Variants in NR3C1 observed in about 807,000 individuals in gnomAD.
The protein encoded by NR3C1 is glucocorticoid receptor.
Under a neutral mutation model 74.0 loss-of-function variants are expected in NR3C1, and 14 were observed. The ratio of observed to expected loss-of-function variants is 0.19; its 90% CI spans 0.12 to 0.30. NR3C1 has a LOEUF of 0.30. Ranked by LOEUF, NR3C1 falls within the 10% of genes least tolerant of loss-of-function variation. The probability of loss-of-function intolerance (pLI) is 1.00; values close to 1 mark genes in which losing one functional copy is unlikely to be tolerated. For missense variants in NR3C1, 695 were observed against 909.8 expected, an observed-to-expected ratio of 0.76 and a Z score of 3.04; for synonymous variants, 308 against 332.5, an observed-to-expected ratio of 0.93 and a Z score of 0.80.
chr5:143,345,899 A>C (rs182516929), intron 2 of NR3C1, among the ~76,000 whole-genome samples: 1 of 152,262 alleles, frequency 6.6e-6, no homozygotes, highest in East Asian at 1.9e-4. Flanking sequence ...TGTTTATATC[A>C]ATTAGCCTGT....
chr5:143,298,981 T>G (rs1382334484), intron 5 of NR3C1, among the ~76,000 whole-genome samples, 169 bp from the exon 6 acceptor site: 2 of 151,428 alleles, frequency 1.3e-5, no homozygotes, highest in African/African-American at 2.4e-5. Context: ...CATCTGACAC[T>G]TTAAGACTCA....
At chr5:143,375,152 A>C (rs1834952282) in intron 2 of NR3C1, among the ~76,000 whole-genome samples, 1 of 152,198 alleles carries the variant, frequency 6.6e-6, no homozygotes, top group Non-Finnish European at 1.5e-5. Context: ...TTTAAATGGA[A>C]GTTTTCGGGA....
At chr5:143,354,225 G>A (rs1315876899) in intron 2 of NR3C1, among the ~76,000 whole-genome samples, 1 of 152,204 alleles carries the variant, frequency 6.6e-6, no homozygotes, top group Non-Finnish European at 1.5e-5. Flanking sequence ...AACTTTCTTC[G>A]TATCAGCAAG....
rs1812916199 is a variant in NR3C1 at position 143,280,414 on chromosome 5, T to TATTA, written c.*1471_*1474dup. 1 of 152,654 alleles carries TATTA rather than the reference T, an allele frequency of 6.6e-6. No homozygotes were observed. The highest frequency in any genetic ancestry group is 1.9e-4 in the East Asian group (1 of 5,208). 9.5% of individuals were successfully genotyped at this position (152,654 alleles called of 1,614,324 possible). A position where few individuals can be genotyped will look rare whatever the true frequency, so the allele number is the denominator to read the frequency against. On this transcript the variant is annotated 3_prime_UTR_variant, in exon 9 of 9. Coordinates refer to ENST00000394464, the MANE Select transcript of NR3C1 (RefSeq NM_000176.3). ...TTTTAATATTAGATTTTCAGTTTTC[T>TATTA]ATTACACAAATAATTTGGCCACCTT...
In NR3C1 at chr5:143,399,746, T is replaced by C. The variant is rs1800445; in HGVS notation, c.1094A>G (p.Asn365Ser). 1 of 1,614,184 alleles carries C rather than the reference T, an allele frequency of 6.2e-7. No homozygotes were observed. The highest frequency in any genetic ancestry group is 2.2e-5 in the East Asian group (1 of 44,890). The change falls in exon 2 of 9, where the codon AAT becomes AGT. Residue 365 changes from asparagine (N) to serine (S), a missense_variant. By Grantham distance (46) the Asn-to-Ser change is conservative. This residue lies in a region of NR3C1 where 497 missense variants were observed against 489.5 expected (regional missense o/e 1.02). Transcript: ENST00000394464. The stretch of plus-strand genomic sequence containing the variant: ...GTCATCTCCAGATCCTTGGCACCTA[T>C]TCCAATTTTCGGAACCAACGGGAAT... ...PPIPVGSENW[N>S]RCQGSGDDNL...
At chr5:143,315,049 T>A (rs1821782459) in intron 2 of NR3C1, among the ~76,000 whole-genome samples, 2 of 152,226 alleles carry the variant, frequency 1.3e-5, no homozygotes, top group Non-Finnish European at 2.9e-5. Context: ...AGATAATTTG[T>A]TGTTTTAAAA....
At chr5:143,337,094 G>A (rs1379212798) in intron 2 of NR3C1, among the ~76,000 whole-genome samples, 1 of 151,976 alleles carries the variant, frequency 6.6e-6, no homozygotes, top group Admixed American at 6.6e-5. Flanking sequence ...TAAAGAATTA[G>A]GCTAAATCTA....
chr5:143,432,606 T>G (rs1258269490), intron 1 of NR3C1, among the ~76,000 whole-genome samples: 1 of 152,156 alleles, frequency 6.6e-6, no homozygotes, highest in East Asian at 1.9e-4. Context: ...TGTGAGATGC[T>G]CGGGATGAGT....
At chr5:143,404,204 G>A (rs1056894312), upstream of NR3C1, 11 of 985,132 alleles carry the variant, frequency 1.1e-5, no homozygotes, top group African/African-American at 1.7e-5. Context: ...AGTGGCCCGC[G>A]CCGCCGCCGC....
intron 2 of NR3C1, among the ~76,000 whole-genome samples, chr5:143,344,137 T>G (rs1828768894): frequency 6.6e-6 from 1 of 152,218 alleles, no homozygotes; most frequent in African/African-American, 2.4e-5. Flanking sequence ...TTAAACATTA[T>G]ATTTTGCTAT....
chr5:143,415,925 G>T (rs528089145), intron 1 of NR3C1, among the ~76,000 whole-genome samples: 1 of 152,164 alleles, frequency 6.6e-6, no homozygotes, highest in East Asian at 1.9e-4. Context: ...AGTAGTCATG[G>T]ATGGCTATGC....
intron 4 of NR3C1, among the ~76,000 whole-genome samples, chr5:143,309,073 CTTTTTTTT>C (rs397830399): frequency 7.4e-6 from 1 of 134,428 alleles, no homozygotes; most frequent in African/African-American, 2.8e-5. Flanking sequence ...TTTCAGGTTT[CTTTTTTTT>C]TTTTTTTTTC....
chr5:143,313,799 C>G (rs963099434), intron 3 of NR3C1, among the ~76,000 whole-genome samples: 1 of 152,088 alleles, frequency 6.6e-6, no homozygotes, highest in Non-Finnish European at 1.5e-5. Flanking sequence ...TCAACTTGTA[C>G]TTTTCTATTT....
At chr5:143,417,892 A>G (rs2151958070) in intron 1 of NR3C1, among the ~76,000 whole-genome samples, 1 of 152,320 alleles carries the variant, frequency 6.6e-6, no homozygotes, top group Middle Eastern at 3.4e-3. Flanking sequence ...AAGTTTACAT[A>G]TCACTGTGGG....
chr5:143,376,977 C>T lies in NR3C1; in HGVS notation c.1184+22679G>A, dbSNP rs532252145. ...GGGAGAGACAGATAGGACTGGTTTC[C>T]TGTGTATGTGAAGTAGGTGCTGTGA... On this transcript the variant is annotated intron_variant, in intron 2 of 8. Transcript: ENST00000394464. Among the ~76,000 whole-genome samples the T allele has an allele frequency of 3.3e-5, 5 of 152,144 alleles. No individual in the cohort carries two copies. In the South Asian group the frequency reaches 1.0e-3, roughly 32 times the overall value.
At chr5:143,404,167 G>A, upstream of NR3C1, 1 of 985,524 alleles carries the variant, frequency 1.0e-6, no homozygotes, top group Non-Finnish European at 1.2e-6. Context: ...ACAAGAGCCG[G>A]GGCGCCTCCC....
At chr5:143,355,500 A>C (rs941273351) in intron 2 of NR3C1, among the ~76,000 whole-genome samples, 2 of 152,040 alleles carry the variant, frequency 1.3e-5, no homozygotes, top group African/African-American at 2.4e-5. Context: ...TAAATAAATA[A>C]ATACATCTAA....
At chr5:143,315,339 C>T (rs904764803) in intron 2 of NR3C1, among the ~76,000 whole-genome samples, 5 of 152,060 alleles carry the variant, frequency 3.3e-5, no homozygotes, top group African/African-American at 1.2e-4. Context: ...GATTTTGTAG[C>T]CTTCTGCTTG....
intron 1 of NR3C1, chr5:143,402,955 G>T: frequency 1.4e-6 from 1 of 740,736 alleles, no homozygotes. Context: ...ACAGGGCTCC[G>T]CTCGCCGTCC....
Sources: gnomAD v4.1 joint callset for allele counts (sites outside exome capture counted in the v4.1 genomes callset) on GRCh38, gnomAD v4.1.1 for gene constraint, gnomAD v4.1.1 regional missense constraint, MANE v1.5 for transcripts, NCBI Gene and HGNC (gene_info 2026-07-23, HGNC 2026-07-21) for gene names.